Variants in GALNT14 observed in about 807,000 individuals in gnomAD.
GALNT14 encodes polypeptide N-acetylgalactosaminyltransferase 14, also known as UDP-GalNAc:polypeptide N-acetylgalactosaminyltransferase 14.
GALNT14 carries 60 observed loss-of-function variants against 77.5 expected under a neutral mutation model. The ratio of observed to expected loss-of-function variants is 0.77; its 90% CI spans 0.63 to 0.96. The LOEUF (loss-of-function observed/expected upper bound fraction) is 0.96. Ranked by LOEUF, GALNT14 falls within the 40% of genes least tolerant of loss-of-function variation. The pLI is 0.00. For synonymous variants in GALNT14, 280 were observed against 281.7 expected (o/e 0.99, Z 0.06); for missense variants, 710 against 731.0 (o/e 0.97, Z 0.33).
At chr2:31,039,396 T>C (rs905639555) in intron 1 of GALNT14, among the ~76,000 whole-genome samples, 2 of 152,232 alleles carry the variant, frequency 1.3e-5, no homozygotes, top group African/African-American at 4.8e-5. Context: ...AGGTAGATAA[T>C]ACTATCCTAA....
intron 1 of GALNT14, among the ~76,000 whole-genome samples, chr2:31,101,920 C>A (rs1289767289): frequency 2.6e-5 from 4 of 152,028 alleles, no homozygotes; most frequent in African/African-American, 9.7e-5. Flanking sequence ...TTATAAGGGG[C>A]TTCCCCATTC....
chr2:30,904,965 C>A, the GALNT14 span, among the ~76,000 whole-genome samples: 17 of 151,928 alleles, frequency 1.1e-4, no homozygotes, highest in Admixed American at 7.9e-4. Context: ...ACACCTCACA[C>A]GGCAGGGTAT....
At chr2:30,940,252 T>C (rs1666302390) in intron 9 of GALNT14, among the ~76,000 whole-genome samples, 1 of 152,218 alleles carries the variant, frequency 6.6e-6, no homozygotes, top group Non-Finnish European at 1.5e-5. Flanking sequence ...ATGAGATTGC[T>C]ACTTGATTTG....
rs554387640 is a variant in GALNT14 at position 30,996,791 on chromosome 2, C to T, written c.130-3784G>A. On this transcript the variant is annotated intron_variant, in intron 1 of 14. Coordinates refer to ENST00000349752, the MANE Select transcript of GALNT14 (RefSeq NM_024572.4). ...TGAAAGAAGTCATGGAAGGTGTCCT[C>T]GGAGGGGCCTGTTCCCCTCAGACTG... 7.2e-5 allele frequency among the ~76,000 whole-genome samples: 11 copies of T among 152,306 alleles called. No homozygotes were observed. In the East Asian group the frequency reaches 7.7e-4, roughly 11 times the overall value.
intron 1 of GALNT14, among the ~76,000 whole-genome samples, chr2:31,009,896 C>T (rs541703342): frequency 6.6e-6 from 1 of 152,346 alleles, no homozygotes; most frequent in Non-Finnish European, 1.5e-5. Context: ...CCCTCCTTTT[C>T]CCATCTCTAC....
At chr2:30,932,684 ACT>A (rs1665813221) in intron 9 of GALNT14, among the ~76,000 whole-genome samples, 1 of 152,178 alleles carries the variant, frequency 6.6e-6, no homozygotes, top group Non-Finnish European at 1.5e-5. Flanking sequence ...TTGTGAGAAG[ACT>A]CAGGACAGGC....
At chr2:30,898,758 G>A in the GALNT14 span, among the ~76,000 whole-genome samples, 1 of 152,122 alleles carries the variant, frequency 6.6e-6, no homozygotes, top group South Asian at 2.1e-4. Flanking sequence ...TCAGTTGCTG[G>A]GGAGGGGTTG....
chr2:31,066,212 C>A (rs1468988236), intron 1 of GALNT14, among the ~76,000 whole-genome samples: 1 of 152,146 alleles, frequency 6.6e-6, no homozygotes, highest in East Asian at 1.9e-4. Context: ...TGCATCGGCT[C>A]CTCAGCTGAG....
intron 13 of GALNT14, among the ~76,000 whole-genome samples, chr2:30,915,514 A>T (rs891059146): frequency 1.3e-5 from 2 of 152,216 alleles, no homozygotes; most frequent in Non-Finnish European, 2.9e-5. Context: ...AAACAGGAGC[A>T]TACAGGTGGG....
At chr2:31,085,930 C>T (rs1317144604) in intron 1 of GALNT14, among the ~76,000 whole-genome samples, 2 of 152,216 alleles carry the variant, frequency 1.3e-5, no homozygotes, top group African/African-American at 2.4e-5. Context: ...TACATGGCGA[C>T]AGGCAAGGGA....
intron 1 of GALNT14, among the ~76,000 whole-genome samples, chr2:31,028,682 T>C (rs937386161): frequency 9.9e-5 from 15 of 152,206 alleles, no homozygotes; most frequent in African/African-American, 3.6e-4. Flanking sequence ...CCAACTCCCA[T>C]GCTGGGCTTT....
intron 1 of GALNT14, among the ~76,000 whole-genome samples, chr2:31,133,260 A>C (rs1217783811): frequency 6.6e-6 from 1 of 152,230 alleles, no homozygotes; most frequent in East Asian, 1.9e-4. Context: ...GGAAGCGGGC[A>C]ACAAGAACCC....
intron 1 of GALNT14, among the ~76,000 whole-genome samples, chr2:31,020,916 G>A (rs922542912): frequency 2.0e-5 from 3 of 152,206 alleles, no homozygotes; most frequent in Admixed American, 6.5e-5. Flanking sequence ...TGCTTATTAC[G>A]CCTCTCCAGG....
the GALNT14 span, among the ~76,000 whole-genome samples, chr2:30,903,242 G>T: frequency 2.0e-5 from 3 of 152,218 alleles, no homozygotes; most frequent in Non-Finnish European, 4.4e-5. Context: ...AGGGCTTTCT[G>T]GATGAAGGGG....
chr2:30,938,240 A>C (rs1456982364), intron 9 of GALNT14, among the ~76,000 whole-genome samples: 1 of 151,782 alleles, frequency 6.6e-6, no homozygotes, highest in Non-Finnish European at 1.5e-5. Flanking sequence ...TTCACCCTTC[A>C]TATATGTGCC....
chr2:31,046,122 A>G (rs902466469), intron 1 of GALNT14, among the ~76,000 whole-genome samples: 1 of 152,202 alleles, frequency 6.6e-6, no homozygotes, highest in African/African-American at 2.4e-5. Context: ...GTTACCATCC[A>G]CATTTTACAT....
chr2:30,996,596 C>T (rs1377013886), intron 1 of GALNT14, among the ~76,000 whole-genome samples: 1 of 152,210 alleles, frequency 6.6e-6, no homozygotes, highest in Non-Finnish European at 1.5e-5. Flanking sequence ...AGGCATGGGC[C>T]CAAGAGGGCC....
intron 2 of GALNT14, among the ~76,000 whole-genome samples, chr2:30,978,989 A>G (rs940950884): frequency 2.6e-5 from 4 of 152,226 alleles, no homozygotes; most frequent in Non-Finnish European, 5.9e-5. Context: ...ACAAAAGGGC[A>G]TCCTGAATAG....
chr2:30,948,837 T>TA lies in GALNT14; in HGVS notation c.655-2968dup, dbSNP rs1007209045. On this transcript the variant is annotated intron_variant, in intron 6 of 14. Coordinates refer to ENST00000349752, the MANE Select transcript of GALNT14 (RefSeq NM_024572.4). ...CTGCAATCCTGTTTTGCTTTGACTT[T>TA]AAAAAAAATCTTTCCCCAGTATTTA... 5.9e-5 allele frequency among the ~76,000 whole-genome samples: 9 copies of TA among 152,166 alleles called. No homozygotes were observed. The East Asian group carries it at 1.4e-3, about 23-fold the overall frequency.
Sources: gnomAD v4.1 joint callset for allele counts (sites outside exome capture counted in the v4.1 genomes callset) on GRCh38, gnomAD v4.1.1 for gene constraint, MANE v1.5 for transcripts, NCBI Gene and HGNC (gene_info 2026-07-23, HGNC 2026-07-21) for gene names.